NRXN3: variants seen among roughly 807,000 people sequenced by gnomAD.
NRXN3 encodes the protein neurexin III.
A neutral mutation model predicts 137.6 loss-of-function variants in NRXN3; 32 were observed. The observed-to-expected ratio is 0.23, with a 90% CI of 0.18 to 0.31. The LOEUF is 0.31. NRXN3 is among the 10% of genes least tolerant of loss of function. NRXN3 has a pLI of 1.00. For missense variants in NRXN3, 1,574 were observed against 2,062.5 expected, an observed-to-expected ratio of 0.76 and a Z score of 4.59; for synonymous variants, 798 against 784.5, an observed-to-expected ratio of 1.02 and a Z score of -0.29.
chr14:79,280,493 C>T, intron 15 of NRXN3: 2 of 1,613,760 alleles, frequency 1.2e-6, no homozygotes, highest in East Asian at 2.2e-5. Flanking sequence ...TCACTCAGTG[C>T]CTATTTCTAT....
chr14:78,793,197 A>T (rs2098810762), intron 8 of NRXN3, among the ~76,000 whole-genome samples: 1 of 152,156 alleles, frequency 6.6e-6, no homozygotes, highest in South Asian at 2.1e-4. Flanking sequence ...TGGGTAAACT[A>T]ACTTATTTTT....
At chr14:79,215,107 G>A (rs10162396) in intron 15 of NRXN3, among the ~76,000 whole-genome samples, 91,158 of 151,940 alleles carry the variant, frequency 0.6, 28,121 homozygotes, top group Non-Finnish European at 0.69. Context: ...TGGTGCTACC[G>A]GATATTAAAC....
chr14:79,580,078 G>T (rs567159340), intron 16 of NRXN3, among the ~76,000 whole-genome samples: 1 of 152,044 alleles, frequency 6.6e-6, no homozygotes, highest in African/African-American at 2.4e-5. Flanking sequence ...TTCATTTAAC[G>T]TAATGACTTC....
chr14:78,426,412 C>A (rs555395971), intron 4 of NRXN3, among the ~76,000 whole-genome samples: 1 of 150,482 alleles, frequency 6.6e-6, no homozygotes. Context: ...GGGGAAAAAT[C>A]TTTTCCTTCT....
chr14:78,758,861 G>A (rs1400183018), intron 8 of NRXN3, among the ~76,000 whole-genome samples: 1 of 152,152 alleles, frequency 6.6e-6, no homozygotes, highest in African/African-American at 2.4e-5. Context: ...TGGATCATCA[G>A]TGTCCTTCGC....
intron 16 of NRXN3, among the ~76,000 whole-genome samples, chr14:79,617,754 G>A (rs1216841998): frequency 2.0e-5 from 3 of 152,048 alleles, no homozygotes; most frequent in East Asian, 3.9e-4. Flanking sequence ...TGAGACTGAC[G>A]AAGTGACGTT....
At chr14:78,919,249 A>G (rs565849948) in intron 10 of NRXN3, among the ~76,000 whole-genome samples, 1 of 152,326 alleles carries the variant, frequency 6.6e-6, no homozygotes, top group South Asian at 2.1e-4. Context: ...ATAATTGGCT[A>G]ATTACCTGAG....
intron 10 of NRXN3, among the ~76,000 whole-genome samples, chr14:78,822,355 A>C (rs1045850720): frequency 2.0e-5 from 3 of 152,128 alleles, no homozygotes; most frequent in African/African-American, 7.2e-5. Context: ...GGTAGGTGTC[A>C]TTACCCTCAT....
chr14:78,824,972 A>T (rs150589), intron 10 of NRXN3, among the ~76,000 whole-genome samples: 1 of 151,882 alleles, frequency 6.6e-6, no homozygotes, highest in South Asian at 2.1e-4. Context: ...AAAAATATAA[A>T]AGTAAAAATC....
At chr14:78,818,407 A>G (rs2098940972) in intron 10 of NRXN3, among the ~76,000 whole-genome samples, 1 of 152,160 alleles carries the variant, frequency 6.6e-6, no homozygotes, top group South Asian at 2.1e-4. Context: ...TTAAGAATCA[A>G]CATGCAAGGT....
intron 15 of NRXN3, among the ~76,000 whole-genome samples, chr14:79,163,275 T>C (rs2060975900): frequency 6.6e-6 from 1 of 151,996 alleles, no homozygotes; most frequent in Admixed American, 6.6e-5. Context: ...GATTCTCTGC[T>C]CTGTGAAACA....
chr14:79,813,542 G>C (rs2099242249), intron 20 of NRXN3, among the ~76,000 whole-genome samples: 1 of 151,944 alleles, frequency 6.6e-6, no homozygotes, highest in Non-Finnish European at 1.5e-5. Context: ...GAGATATATA[G>C]ATATACAAAT....
intron 20 of NRXN3, among the ~76,000 whole-genome samples, chr14:79,857,876 AT>A (rs1443034559): frequency 6.6e-6 from 1 of 152,176 alleles, no homozygotes; most frequent in Non-Finnish European, 1.5e-5. Flanking sequence ...AATCAGCATA[AT>A]TTGGGCTCAG....
At chr14:78,173,953 G>C (rs2059017241) in intron 1 of NRXN3, among the ~76,000 whole-genome samples, 1 of 151,798 alleles carries the variant, frequency 6.6e-6, no homozygotes, top group East Asian at 2.0e-4. Flanking sequence ...TTTGCATGGG[G>C]ACTGCGGTCA....
At chr14:78,384,426 C>G (rs2089629598) in intron 4 of NRXN3, among the ~76,000 whole-genome samples, 1 of 152,114 alleles carries the variant, frequency 6.6e-6, no homozygotes, top group Admixed American at 6.5e-5. Context: ...CATTAATTAG[C>G]TGTGTGACCA....
intron 8 of NRXN3, among the ~76,000 whole-genome samples, chr14:78,752,866 A>C (rs1329284029): frequency 2.0e-5 from 3 of 152,174 alleles, no homozygotes; most frequent in African/African-American, 7.2e-5. Context: ...GGACATCAGG[A>C]AGCTGATGAA....
chr14:79,176,380 T>A (rs2062346068), intron 15 of NRXN3, among the ~76,000 whole-genome samples: 1 of 152,202 alleles, frequency 6.6e-6, no homozygotes, highest in Admixed American at 6.5e-5. Context: ...TGCCTTTTAA[T>A]GAGCGGCACA....
intron 4 of NRXN3, among the ~76,000 whole-genome samples, chr14:78,556,851 C>T (rs1225248222): frequency 1.3e-5 from 2 of 150,344 alleles, no homozygotes; most frequent in African/African-American, 4.9e-5. Flanking sequence ...TCTAGGAGAC[C>T]TCTCCTCTCC....
chr14:79,418,915 G>A (rs2095536102), intron 15 of NRXN3, among the ~76,000 whole-genome samples: 1 of 152,170 alleles, frequency 6.6e-6, no homozygotes, highest in Admixed American at 6.5e-5. Flanking sequence ...GTCTGGGAAT[G>A]TGGGACTCTA....
Sources: gnomAD v4.1 joint callset for allele counts (sites outside exome capture counted in the v4.1 genomes callset) on GRCh38, gnomAD v4.1.1 for gene constraint, MANE v1.5 for transcripts, NCBI Gene and HGNC (gene_info 2026-07-23, HGNC 2026-07-21) for gene names.